The following KIRREL1 variants were observed in gnomAD, a reference collection of about 807,000 sequenced individuals.
KIRREL1 encodes kin of IRRE-like protein 1.
A neutral mutation model predicts 83.3 loss-of-function variants in KIRREL1; 25 were observed. The ratio of observed to expected loss-of-function variants is 0.30; its 90% CI spans 0.22 to 0.42. The LOEUF (loss-of-function observed/expected upper bound fraction) is 0.42. KIRREL1 is among the 10% of genes least tolerant of loss of function. KIRREL1 has a pLI of 1.00. For synonymous variants in KIRREL1, 388 were observed against 410.4 expected (o/e 0.95, Z 0.66); for missense variants, 812 against 1,032.3 (o/e 0.79, Z 2.92).
rs775746907 is a variant in KIRREL1 at position 158,078,561 on chromosome 1, C to T, written c.352+421C>T. Among the ~76,000 whole-genome samples the T allele has an allele frequency of 6.6e-5, 10 of 152,254 alleles. No homozygotes were observed. The East Asian group carries it at 1.5e-3, about 24-fold the overall frequency. On this transcript the variant is annotated intron_variant, in intron 3 of 14. Coordinates refer to ENST00000359209, the MANE Select transcript of KIRREL1 (RefSeq NM_018240.7). ...TCTCAGCTGCCTCGGAGACCCCAAA[C>T]GGCCCCCGTGCCCCTCCTTCCACCT...
chr1:158,058,160 G>GGCC (rs1040320813), intron 1 of KIRREL1, among the ~76,000 whole-genome samples: 2 of 152,140 alleles, frequency 1.3e-5, no homozygotes, highest in African/African-American at 4.8e-5. Context: ...CAGAGGGCCA[G>GGCC]GCCTCGGGTT....
chr1:158,027,806 A>C (rs993148671), intron 1 of KIRREL1, among the ~76,000 whole-genome samples: 1 of 152,194 alleles, frequency 6.6e-6, no homozygotes, highest in Non-Finnish European at 1.5e-5. Flanking sequence ...AAAGCAGTAG[A>C]TGTTAAATTG....
chr1:158,003,411 C>T (rs1423448091), intron 1 of KIRREL1, among the ~76,000 whole-genome samples: 4 of 152,214 alleles, frequency 2.6e-5, no homozygotes. Context: ...GACAGTGGGA[C>T]TCCTGGGTTT....
Position 158,096,444 on chromosome 1 carries a change from G to C in KIRREL1, c.*1324G>C, listed in dbSNP as rs1277631933. ...CTTGAGTGTCAAGCTTTGGATGACC[G>C]ACCCTATGTGGGCGGTTGTGTGGGG... On this transcript the variant is annotated 3_prime_UTR_variant, in exon 15 of 15. Coordinates refer to ENST00000359209, the MANE Select transcript of KIRREL1 (RefSeq NM_018240.7). The C allele has an allele frequency of 4.0e-5, 15 of 370,846 alleles. No homozygotes were observed. Among genetic ancestry groups the C allele is most frequent in the Non-Finnish European group, 8.1e-5 (15 of 185,258 alleles). The allele number at this position is 370,846 out of a possible 1,614,324, so 23.0% of individuals were successfully genotyped here. A position where few individuals can be genotyped will look rare whatever the true frequency, so the allele number is the denominator to read the frequency against.
At chr1:158,048,545 A>G (rs914273725) in intron 1 of KIRREL1, among the ~76,000 whole-genome samples, 4 of 152,260 alleles carry the variant, frequency 2.6e-5, no homozygotes, top group African/African-American at 9.6e-5. Flanking sequence ...GTGAACTCAC[A>G]GCTACAGAAT....
At chr1:158,029,244 C>T (rs1386061417) in intron 1 of KIRREL1, among the ~76,000 whole-genome samples, 1 of 151,814 alleles carries the variant, frequency 6.6e-6, no homozygotes, top group Non-Finnish European at 1.5e-5. Flanking sequence ...TAACTCTTGC[C>T]AAGGTGCCTG....
intron 1 of KIRREL1, among the ~76,000 whole-genome samples, chr1:158,072,279 C>G (rs976877906): frequency 2.0e-5 from 3 of 152,100 alleles, no homozygotes; most frequent in Non-Finnish European, 2.9e-5. Flanking sequence ...GCCTCCTTTT[C>G]TGGATGGTGG....
intron 3 of KIRREL1, 118 bp downstream of exon 3, chr1:158,078,258 T>A: frequency 1.7e-6 from 2 of 1,143,232 alleles, no homozygotes; most frequent in Middle Eastern, 2.0e-4. Context: ...GTTACTGGCC[T>A]TATCCCTGCC....
chr1:158,074,308 A>G lies in KIRREL1; in HGVS notation c.53-1805A>G, dbSNP rs1484752657. On this transcript the variant is annotated intron_variant, in intron 1 of 14. Coordinates refer to ENST00000359209, the MANE Select transcript of KIRREL1 (RefSeq NM_018240.7). Reference sequence around the variant, plus strand: ...AGACCTAAATTTGCACACTTAATCAAGAGTAAAGAGTCTGCCTCATGCTAG... The same window carrying G: ...AGACCTAAATTTGCACACTTAATCAGGAGTAAAGAGTCTGCCTCATGCTAG... Among the ~76,000 whole-genome samples, 3 of 152,156 alleles carry G rather than the reference A, an allele frequency of 2.0e-5. No individual in the cohort carries two copies. The East Asian group carries it at 5.8e-4, about 29-fold the overall frequency.
intron 1 of KIRREL1, among the ~76,000 whole-genome samples, chr1:158,058,482 A>G (rs1661126665): frequency 6.6e-6 from 1 of 152,098 alleles, no homozygotes; most frequent in Non-Finnish European, 1.5e-5. Context: ...CCTAGCCAAG[A>G]GCTGAGGCAA....
chr1:158,093,547 G>A, intron 12 of KIRREL1, 76 bp from the exon 13 acceptor site: 1 of 1,606,308 alleles, frequency 6.2e-7, no homozygotes, highest in South Asian at 1.1e-5. Flanking sequence ...TTGAGCTCCA[G>A]CCCAGAGGGA....
chr1:158,030,861 G>A (rs1250895605), intron 1 of KIRREL1: 1 of 152,142 alleles, frequency 6.6e-6, no homozygotes, highest in Non-Finnish European at 1.5e-5. Flanking sequence ...AGATCCCCAG[G>A]AGTAGGTGTG....
At chr1:158,084,340 A>T in intron 3 of KIRREL1, 82 bp from the exon 4 acceptor site, 1 of 1,366,470 alleles carries the variant, frequency 7.3e-7, no homozygotes, top group Non-Finnish European at 9.9e-7. Context: ...AGGTGGAAGG[A>T]TGCTTCCAGA....
intron 1 of KIRREL1, among the ~76,000 whole-genome samples, chr1:158,046,777 A>C (rs1322098053): frequency 6.6e-6 from 1 of 152,162 alleles, no homozygotes; most frequent in Non-Finnish European, 1.5e-5. Flanking sequence ...TGGATTTAGC[A>C]ACTTGTAGGT....
intron 1 of KIRREL1, among the ~76,000 whole-genome samples, chr1:158,024,353 A>G (rs139006129): frequency 0.029 from 4,199 of 143,966 alleles, 81 homozygotes; most frequent in Middle Eastern, 0.052. Context: ...ATCTCTGCTC[A>G]CTGCAACCTC....
intron 1 of KIRREL1, among the ~76,000 whole-genome samples, chr1:158,014,175 A>G (rs554140814): frequency 6.6e-6 from 1 of 151,700 alleles, no homozygotes; most frequent in Non-Finnish European, 1.5e-5. Flanking sequence ...AGGTAAAGGG[A>G]AGGGGGAGAT....
rs1181591854 is a variant in KIRREL1 at position 158,094,402 on chromosome 1, G to A, written c.1797+12G>A. On this transcript the variant is annotated intron_variant, in intron 14 of 14. Transcript: ENST00000359209. This position sits in a 1 kb window ranked among gnomAD's most constrained non-coding sequence, Gnocchi z 4.6. ...AGTATGAGATGAAGGTGGGAAAGGGGGAAGGGGCCAGGGCATGAGGGCTGG... is the reference window on the plus strand; with the variant it reads ...AGTATGAGATGAAGGTGGGAAAGGGAGAAGGGGCCAGGGCATGAGGGCTGG... The A allele has an allele frequency of 6.2e-7, 1 of 1,611,958 alleles. No homozygotes were observed. The highest frequency in any genetic ancestry group is 1.1e-5 in the South Asian group (1 of 90,480).
At chr1:158,060,893 A>G (rs1661199338) in intron 1 of KIRREL1, among the ~76,000 whole-genome samples, 1 of 152,114 alleles carries the variant, frequency 6.6e-6, no homozygotes, top group Non-Finnish European at 1.5e-5. Flanking sequence ...GGGTGGCTGG[A>G]TGAAATACCC....
At chr1:158,030,207 G>T (rs1338945907) in intron 1 of KIRREL1, among the ~76,000 whole-genome samples, 1 of 152,218 alleles carries the variant, frequency 6.6e-6, no homozygotes, top group Non-Finnish European at 1.5e-5. Flanking sequence ...CACACTAGAA[G>T]ATGTGGTCAG....
Sources: allele counts gnomAD v4.1 joint callset (sites outside exome capture counted in the v4.1 genomes callset), GRCh38; gene constraint gnomAD v4.1.1; non-coding constraint Gnocchi (gnomAD v3.1); transcripts MANE v1.5; gene names NCBI Gene and HGNC (gene_info 2026-07-23, HGNC 2026-07-21).